Variants in AAK1 observed in about 807,000 individuals in gnomAD.
The protein encoded by AAK1 is AP2-associated protein kinase 1.
A neutral mutation model predicts 116.0 loss-of-function variants in AAK1; 37 were observed. That is an observed-to-expected ratio of 0.32 (90% CI 0.25 to 0.42). The LOEUF is 0.42. Ranked by LOEUF, AAK1 falls within the 10% of genes least tolerant of loss-of-function variation. The pLI is 1.00. For synonymous variants in AAK1, 458 were observed against 439.9 expected (o/e 1.04, Z -0.51); for missense variants, 919 against 1,170.6 (o/e 0.79, Z 3.14).
In AAK1 at chr2:69,466,473, G is replaced by A. The variant is rs748892377; in HGVS notation, c.*9396C>T. 27 of 1,277,876 alleles carry A rather than the reference G, an allele frequency of 2.1e-5. No homozygotes were observed. The highest frequency in any genetic ancestry group is 2.5e-5 in the South Asian group (2 of 79,752). The allele number at this position is 1,277,876 out of a possible 1,614,324, so 79.2% of individuals were successfully genotyped here. A position where few individuals can be genotyped will look rare whatever the true frequency, so the allele number is the denominator to read the frequency against. ...TACTCTGGAGGGGTCTGGATACAGC[G>A]GAAGGCCTTTAACACCCAGTGATTC... On this transcript the variant is annotated 3_prime_UTR_variant, in exon 22 of 22. Transcript: ENST00000409085.
intron 13 of AAK1, among the ~76,000 whole-genome samples, chr2:69,510,517 CATGT>C (rs896688324): frequency 1.6e-4 from 25 of 152,334 alleles, no homozygotes; most frequent in African/African-American, 6.0e-4. Context: ...CATACACATG[CATGT>C]GTCTTTATGG....
rs150708199 is a variant in AAK1 at position 69,473,262 on chromosome 2, G to A, written c.*2607C>T. 1,279 of 966,970 alleles carry A rather than the reference G, an allele frequency of 1.3e-3. 14 individuals are homozygous for A. The African/African-American group carries it at 0.021, about 16-fold the overall frequency. 59.9% of individuals were successfully genotyped at this position (966,970 alleles called of 1,614,324 possible). Reference sequence around the variant, plus strand: ...TCAATCCAGCTCAGGTCCCACACCTGTAAAATGAAGAGGATGGTGGACTAG... The same window carrying A: ...TCAATCCAGCTCAGGTCCCACACCTATAAAATGAAGAGGATGGTGGACTAG... On this transcript the variant is annotated 3_prime_UTR_variant, in exon 22 of 22. Transcript: ENST00000409085.
chr2:69,524,675 T>C (rs7584347), intron 10 of AAK1, among the ~76,000 whole-genome samples: 20,981 of 152,044 alleles, frequency 0.14, 2,084 homozygotes, highest in African/African-American at 0.27. Context: ...TCAGGTGATC[T>C]ACCCTCCTAG....
At chr2:69,578,409 C>T (rs1672402353) in intron 2 of AAK1, among the ~76,000 whole-genome samples, 1 of 152,198 alleles carries the variant, frequency 6.6e-6, no homozygotes, top group Non-Finnish European at 1.5e-5. Flanking sequence ...AGTTCAAATG[C>T]AATGAGATCC....
rs115160435 is a variant in AAK1, at chr2:69,550,934, G to A, written c.282+5926C>T. 9.0e-3 allele frequency among the ~76,000 whole-genome samples: 1,367 copies of A among 152,148 alleles called. 14 individuals are homozygous for A. Among genetic ancestry groups the A allele is most frequent in the Non-Finnish European group, 0.014 (978 of 67,978 alleles). ...CCCAGCCGTCATTCATTTTTAAAGTGTGTAATATATTAACATTCAAATAGT... is the reference window on the plus strand; with the variant it reads ...CCCAGCCGTCATTCATTTTTAAAGTATGTAATATATTAACATTCAAATAGT... On this transcript the variant is annotated intron_variant, in intron 3 of 21. Coordinates refer to ENST00000409085, the MANE Select transcript of AAK1 (RefSeq NM_014911.5).
chr2:69,520,309 ATTC>A (rs1669706906), intron 11 of AAK1: 1 of 154,096 alleles, frequency 6.5e-6, no homozygotes, highest in Non-Finnish European at 1.5e-5. Flanking sequence ...CCATCTCAGA[ATTC>A]AAGGAGGCCT....
At chr2:69,480,714 G>A in intron 19 of AAK1, 146 bp downstream of exon 19, 1 of 586,742 alleles carries the variant, frequency 1.7e-6, no homozygotes, top group East Asian at 3.1e-5. Flanking sequence ...CTAGAAGCCG[G>A]GGCTGTGACA....
chr2:69,471,025 C>T lies in AAK1; in HGVS notation c.*4844G>A, dbSNP rs538837583. ...CTTGTGCAGCAATGTTCAAATTTCA[C>T]GTTTTTACTGCATAAGATATCTTCA... On this transcript the variant is annotated 3_prime_UTR_variant, in exon 22 of 22. Transcript: ENST00000409085. The T allele has an allele frequency of 2.1e-4, 206 of 985,766 alleles. No individual in the cohort carries two copies. In the Middle Eastern group the frequency reaches 5.2e-3, roughly 25 times the overall value. The allele number at this position is 985,766 out of a possible 1,614,324, so 61.1% of individuals were successfully genotyped here.
intron 2 of AAK1, chr2:69,598,264 C>A: frequency 2.5e-6 from 1 of 397,640 alleles, no homozygotes; most frequent in East Asian, 4.0e-5. Flanking sequence ...CACAGGTTAT[C>A]CTCTGAGTAA....
intron 2 of AAK1, among the ~76,000 whole-genome samples, chr2:69,562,831 A>G (rs1339931374): frequency 6.6e-6 from 1 of 152,228 alleles, no homozygotes; most frequent in Admixed American, 6.5e-5. Context: ...CGGAGGTTGC[A>G]GTGAGCTGAG....
chr2:69,616,867 G>C (rs561553713), intron 2 of AAK1, among the ~76,000 whole-genome samples: 2 of 152,244 alleles, frequency 1.3e-5, no homozygotes, highest in South Asian at 4.1e-4. Context: ...TGACCTATCT[G>C]TGAACTTCTA....
chr2:69,476,968 GA>G lies in AAK1; in HGVS notation c.2702del (p.Ile901ThrfsTer24). 1 of 1,612,790 alleles carries G rather than the reference GA, an allele frequency of 6.2e-7. No individual in the cohort carries two copies. On this transcript the variant is annotated frameshift_variant, in exon 21 of 22. Transcript: ENST00000409085. LOFTEE classifies it high-confidence loss of function. ...AGCCCTCAGGGACATCAAAACCTGA[GA>G]TGAGATTACTATCTTCTGCAGCTTA... ...VHKAAEDSNL[I>X]SGFDVPEGSD...
intron 15 of AAK1, among the ~76,000 whole-genome samples, chr2:69,505,982 G>A (rs1676169191): frequency 6.6e-6 from 1 of 152,198 alleles, no homozygotes; most frequent in Admixed American, 6.6e-5. Flanking sequence ...CACATTTAAT[G>A]CCTCCCGCCC....
intron 2 of AAK1, among the ~76,000 whole-genome samples, chr2:69,588,053 C>T (rs1335240297): frequency 6.6e-6 from 1 of 152,094 alleles, no homozygotes; most frequent in African/African-American, 2.4e-5. Context: ...CATGAGCTAC[C>T]ATGCCCAGCC....
chr2:69,619,763 CA>C (rs1674506493), intron 2 of AAK1, among the ~76,000 whole-genome samples: 2 of 152,082 alleles, frequency 1.3e-5, no homozygotes, highest in South Asian at 4.1e-4. Context: ...ATTCCACAGG[CA>C]AGGGGAACAG....
At chr2:69,512,332 A>G (rs952278689) in intron 13 of AAK1, among the ~76,000 whole-genome samples, 4 of 152,160 alleles carry the variant, frequency 2.6e-5, no homozygotes, top group African/African-American at 9.7e-5. Context: ...CTTATACTTT[A>G]AGTCTCTTTT....
chr2:69,467,744 C>A lies in AAK1; in HGVS notation c.*8125G>T. 1.0e-6 allele frequency: 1 copy of A among 985,384 alleles called. No homozygotes were observed. Among genetic ancestry groups the A allele is most frequent in the Non-Finnish European group, 1.2e-6 (1 of 829,914 alleles). The allele number at this position is 985,384 out of a possible 1,614,324, so 61.0% of individuals were successfully genotyped here. A position where few individuals can be genotyped will look rare whatever the true frequency, so the allele number is the denominator to read the frequency against. On this transcript the variant is annotated 3_prime_UTR_variant, in exon 22 of 22. Transcript: ENST00000409085. ...AATTTCTGCCAAAAATTATCCCCTG[C>A]TAAAGTTTCTGCATGAATTAAGCAC...
chr2:69,571,151 T>C (rs1426923342), intron 2 of AAK1, among the ~76,000 whole-genome samples: 1 of 152,232 alleles, frequency 6.6e-6, no homozygotes, highest in Non-Finnish European at 1.5e-5. Flanking sequence ...TAGTTTATCA[T>C]ACTCTTCACC....
rs371622867 is a variant in AAK1 at position 69,532,213 on chromosome 2, C to T, written c.535-51G>A. On this transcript the variant is annotated intron_variant, in intron 5 of 21. Transcript: ENST00000409085. ...TTCCAAGATATCATTTAGTAATGCACGTGAAAATTTGGTTTCACAGTCACA... is the reference window on the plus strand; with the variant it reads ...TTCCAAGATATCATTTAGTAATGCATGTGAAAATTTGGTTTCACAGTCACA... 1.1e-4 allele frequency: 172 copies of T among 1,601,458 alleles called. 1 individual carries two copies. The highest frequency in any genetic ancestry group is 8.3e-4 in the Middle Eastern group (5 of 5,998).
Sources: allele counts gnomAD v4.1 joint callset (sites outside exome capture counted in the v4.1 genomes callset), GRCh38; gene constraint gnomAD v4.1.1; transcripts MANE v1.5; gene names NCBI Gene and HGNC (gene_info 2026-07-23, HGNC 2026-07-21).